PDE11A: variants seen among roughly 807,000 people sequenced by gnomAD.
PDE11A encodes the protein phosphodiesterase 11A.
In PDE11A, 100 loss-of-function variants were observed where a neutral mutation model predicts 100.5. That is an observed-to-expected ratio of 1.00 (90% CI 0.85 to 1.18). The LOEUF is 1.18. Among genes scored for constraint, PDE11A ranks in the 50% most tolerant of loss-of-function variants. The pLI is 0.00. For synonymous variants in PDE11A, 381 were observed against 420.8 expected (o/e 0.91, Z 1.16); for missense variants, 1,141 against 1,152.6 (o/e 0.99, Z 0.15).
At chr2:177,853,645 T>C (rs1257880970) in intron 5 of PDE11A, among the ~76,000 whole-genome samples, 4 of 14,796 alleles carry the variant, frequency 2.7e-4, no homozygotes, top group South Asian at 2.4e-3. Flanking sequence ...CATATATATA[T>C]ATATATATAT....
Position 177,952,141 on chromosome 2 carries a change from AG to A in PDE11A, c.1072-46955del, listed in dbSNP as rs2085512801. Among the ~76,000 whole-genome samples, 6 of 152,192 alleles carry A rather than the reference AG, an allele frequency of 3.9e-5. No individual in the cohort carries two copies. The South Asian group carries it at 1.2e-3, about 32-fold the overall frequency. ...TAAATGTCTTGCCATTACATGACAA[AG>A]TAGACTCTTTTATGACTGTTTATTC... On this transcript the variant is annotated intron_variant, in intron 2 of 19. Coordinates refer to ENST00000286063, the MANE Select transcript of PDE11A (RefSeq NM_016953.4).
chr2:177,877,449 G>A (rs2084259575), intron 4 of PDE11A, among the ~76,000 whole-genome samples: 1 of 152,158 alleles, frequency 6.6e-6, no homozygotes, highest in Non-Finnish European at 1.5e-5. Context: ...ACAGGCACGA[G>A]CCACCGCATC....
intron 9 of PDE11A, among the ~76,000 whole-genome samples, chr2:177,814,442 G>C (rs754807097): frequency 3.3e-5 from 5 of 152,088 alleles, no homozygotes; most frequent in Non-Finnish European, 5.9e-5. Context: ...GCCAGGGAGC[G>C]GGGTGGATGC....
intron 2 of PDE11A, among the ~76,000 whole-genome samples, chr2:177,996,007 G>A (rs1464246210): frequency 6.6e-6 from 1 of 152,078 alleles, no homozygotes; most frequent in Non-Finnish European, 1.5e-5. Context: ...CAGGTGGATT[G>A]CCTGAGGTTA....
At chr2:177,631,942 C>G (rs750779776) in intron 19 of PDE11A, among the ~76,000 whole-genome samples, 4 of 152,036 alleles carry the variant, frequency 2.6e-5, no homozygotes, top group African/African-American at 9.7e-5. Context: ...ACATGTCCCC[C>G]ACATGTTAGG....
intron 6 of PDE11A, among the ~76,000 whole-genome samples, chr2:177,834,936 C>A (rs934807): frequency 0.32 from 48,954 of 151,860 alleles, 9,952 homozygotes; most frequent in East Asian, 0.53. Flanking sequence ...GAGGAGAACC[C>A]AGCTCCTCAG....
chr2:177,841,695 T>C (rs922522502), intron 5 of PDE11A, among the ~76,000 whole-genome samples: 3 of 152,260 alleles, frequency 2.0e-5, no homozygotes, highest in African/African-American at 7.2e-5. Flanking sequence ...CATGTATTTG[T>C]AATGTTATTC....
At chr2:178,052,489 C>T (rs2086841771) in intron 1 of PDE11A, among the ~76,000 whole-genome samples, 1 of 151,990 alleles carries the variant, frequency 6.6e-6, no homozygotes. Context: ...CAAAAGCTAG[C>T]AGAAGGCAAG....
At chr2:177,955,076 A>G (rs908998114) in intron 2 of PDE11A, among the ~76,000 whole-genome samples, 13 of 152,194 alleles carry the variant, frequency 8.5e-5, no homozygotes, top group African/African-American at 2.4e-4. Flanking sequence ...CTCTGTGATC[A>G]ATTCTCTAGT....
intron 1 of PDE11A, among the ~76,000 whole-genome samples, chr2:178,055,921 G>C (rs1010614504): frequency 1.1e-4 from 17 of 151,942 alleles, no homozygotes; most frequent in Non-Finnish European, 1.9e-4. Context: ...CATAAACCTG[G>C]GGTGATATTT....
chr2:177,759,155 C>T (rs1245906931), intron 10 of PDE11A, among the ~76,000 whole-genome samples: 4 of 149,498 alleles, frequency 2.7e-5, no homozygotes, highest in South Asian at 2.1e-4. Flanking sequence ...ATGACTATCC[C>T]GTTAAGTTGG....
chr2:177,805,909 A>G (rs561300135), intron 9 of PDE11A, among the ~76,000 whole-genome samples: 173 of 152,348 alleles, frequency 1.1e-3, no homozygotes, highest in Middle Eastern at 0.01. Flanking sequence ...GACAAAGAGA[A>G]GTCTAAACAA....
At position 177,657,216 on chromosome 2, in the gene PDE11A, G is replaced by T. The variant is rs369205370; in HGVS notation, c.2646+6650C>A. ...ATAGAATATTTTCTGAGATAAACAG[G>T]CTTTACTATCTATCAGCACTCAGAT... On this transcript the variant is annotated intron_variant, in intron 19 of 19. Coordinates refer to ENST00000286063, the MANE Select transcript of PDE11A (RefSeq NM_016953.4). 2.0e-5 allele frequency among the ~76,000 whole-genome samples: 3 copies of T among 152,088 alleles called. No homozygotes were observed. The East Asian group carries it at 5.8e-4, about 29-fold the overall frequency.
intron 2 of PDE11A, among the ~76,000 whole-genome samples, chr2:177,966,962 G>A (rs1369010017): frequency 1.3e-5 from 2 of 152,022 alleles, no homozygotes; most frequent in Non-Finnish European, 2.9e-5. Context: ...GTAGAATTTG[G>A]CTATGAATCC....
Position 177,815,835 on chromosome 2 carries a change from T to C in PDE11A, c.1737+994A>G, listed in dbSNP as rs1358392764. 3.3e-5 allele frequency among the ~76,000 whole-genome samples: 5 copies of C among 152,358 alleles called. No individual in the cohort carries two copies. The East Asian group carries it at 9.6e-4, about 29-fold the overall frequency. On this transcript the variant is annotated intron_variant, in intron 9 of 19. Coordinates refer to ENST00000286063, the MANE Select transcript of PDE11A (RefSeq NM_016953.4). ...TCATGTGTATTATATCATACTCTTC[T>C]ATATACTTTTATCTTGGCACTGACA...
At chr2:177,923,891 GCA>G (rs2085089929) in intron 2 of PDE11A, among the ~76,000 whole-genome samples, 1 of 152,130 alleles carries the variant, frequency 6.6e-6, no homozygotes, top group Non-Finnish European at 1.5e-5. Context: ...GCAATACCTA[GCA>G]CAGAGTGGTG....
chr2:177,735,764 A>G (rs1050493963), intron 10 of PDE11A, among the ~76,000 whole-genome samples: 3 of 152,218 alleles, frequency 2.0e-5, no homozygotes, highest in Non-Finnish European at 4.4e-5. Flanking sequence ...GCCAAGCTCC[A>G]GTGGCCTTGG....
chr2:177,800,209 G>A (rs1313998691), intron 9 of PDE11A, among the ~76,000 whole-genome samples: 1 of 148,272 alleles, frequency 6.7e-6, no homozygotes, highest in Non-Finnish European at 1.5e-5. Context: ...ACAGGGTCTT[G>A]CTTTCTTCCC....
chr2:177,868,496 A>G (rs896436103), intron 5 of PDE11A, among the ~76,000 whole-genome samples: 10 of 152,240 alleles, frequency 6.6e-5, no homozygotes, highest in African/African-American at 1.7e-4. Context: ...ATCTTATTTT[A>G]AAAGATATTT....
Sources: allele counts gnomAD v4.1 joint callset (sites outside exome capture counted in the v4.1 genomes callset), GRCh38; gene constraint gnomAD v4.1.1; transcripts MANE v1.5; gene names NCBI Gene and HGNC (gene_info 2026-07-23, HGNC 2026-07-21).